The following TNRC6B variants were observed in gnomAD, a reference collection of about 807,000 sequenced individuals.
The protein encoded by TNRC6B is trinucleotide repeat containing adaptor 6B, also known as trinucleotide repeat-containing gene 6B protein.
In TNRC6B, 52 loss-of-function variants were observed where a neutral mutation model predicts 203.6. That is an observed-to-expected ratio of 0.26 (90% CI 0.20 to 0.32). TNRC6B has a LOEUF of 0.32. Ranked by LOEUF, TNRC6B falls within the 10% of genes least tolerant of loss-of-function variation. The pLI is 1.00. For missense variants in TNRC6B, 1,923 were observed against 2,286.2 expected, an observed-to-expected ratio of 0.84 and a Z score of 3.24; for synonymous variants, 838 against 845.7, an observed-to-expected ratio of 0.99 and a Z score of 0.16.
intron 1 of TNRC6B, among the ~76,000 whole-genome samples, chr22:40,098,010 A>G (rs2068198941): frequency 6.6e-6 from 1 of 151,998 alleles, no homozygotes; most frequent in Non-Finnish European, 1.5e-5. Context: ...AGTAGTTGTT[A>G]GATTAAAACA....
intron 3 of TNRC6B, among the ~76,000 whole-genome samples, chr22:40,148,419 G>A (rs2068714479): frequency 6.6e-6 from 1 of 151,846 alleles, no homozygotes; most frequent in African/African-American, 2.4e-5. Context: ...GAGTAGCTGG[G>A]ATTACAGGCG....
intron 1 of TNRC6B, among the ~76,000 whole-genome samples, chr22:40,185,329 A>G (rs974768615): frequency 6.6e-6 from 1 of 152,180 alleles, no homozygotes; most frequent in African/African-American, 2.4e-5. Flanking sequence ...TAAGGTGTCC[A>G]AAGATGGCAT....
At chr22:40,128,579 A>ACG (rs1568991485) in intron 3 of TNRC6B, among the ~76,000 whole-genome samples, 17 of 144,754 alleles carry the variant, frequency 1.2e-4, no homozygotes, top group Admixed American at 3.4e-4. Flanking sequence ...CACGGCTCAC[A>ACG]GCTCACAGCT....
chr22:40,175,162 G>C (rs1419467693), upstream of TNRC6B, among the ~76,000 whole-genome samples: 3 of 151,988 alleles, frequency 2.0e-5, no homozygotes, highest in African/African-American at 7.2e-5. Context: ...TTCGAGACCA[G>C]CCTGGCCAAC....
chr22:40,224,553 C>G (rs930715626), intron 1 of TNRC6B, among the ~76,000 whole-genome samples: 1 of 152,088 alleles, frequency 6.6e-6, no homozygotes, highest in Non-Finnish European at 1.5e-5. Flanking sequence ...TATCATAATA[C>G]TTGTTTTGAA....
chr22:40,282,122 G>A (rs2146524020), intron 11 of TNRC6B, among the ~76,000 whole-genome samples: 1 of 152,338 alleles, frequency 6.6e-6, no homozygotes, highest in South Asian at 2.1e-4. Context: ...TCAGGACGTT[G>A]TGGGAGGACG....
At chr22:40,227,075 AATTATTATTATTATTATT>A (rs66592054) in intron 1 of TNRC6B, among the ~76,000 whole-genome samples, 12 of 137,066 alleles carry the variant, frequency 8.8e-5, no homozygotes, top group South Asian at 7.3e-4. Flanking sequence ...ACACCCAGCT[AATTATTATTATTATTATT>A]ATTATTATTA....
At chr22:40,115,098 C>T (rs573430296) in intron 1 of TNRC6B, among the ~76,000 whole-genome samples, 2 of 148,928 alleles carry the variant, frequency 1.3e-5, no homozygotes, top group South Asian at 4.2e-4. Context: ...TTCTTTTTTT[C>T]CCCTCCCTTC....
intron 1 of TNRC6B, among the ~76,000 whole-genome samples, chr22:40,240,612 A>G (rs769702567): frequency 5.9e-5 from 9 of 152,240 alleles, no homozygotes; most frequent in Non-Finnish European, 1.3e-4. Context: ...TTTGGAAGCC[A>G]TAGTAGAGAC....
chr22:40,106,657 T>G lies in TNRC6B; in HGVS notation c.-120-10398T>G, dbSNP rs1414350055. On this transcript the variant is annotated intron_variant, in intron 1 of 23. Transcript: ENST00000301923. ...GGTACCCCCAAGCAATATATGACTC[T>G]ACAATCCTCAGCATGTTAATTGAAG... The G allele has an allele frequency of 5.3e-6, 4 of 750,188 alleles. No homozygotes were observed. In the African/African-American group the frequency reaches 6.8e-5, roughly 13 times the overall value. 46.5% of individuals were successfully genotyped at this position (750,188 alleles called of 1,614,324 possible). A position where few individuals can be genotyped will look rare whatever the true frequency, so the allele number is the denominator to read the frequency against.
intron 4 of TNRC6B, among the ~76,000 whole-genome samples, chr22:40,171,315 C>G (rs968656168): frequency 1.3e-5 from 2 of 151,824 alleles, no homozygotes; most frequent in African/African-American, 4.8e-5. Flanking sequence ...GTGCATGCTA[C>G]CACACCCGGC....
chr22:40,245,310 C>T (rs759261310), intron 1 of TNRC6B, among the ~76,000 whole-genome samples: 23 of 151,914 alleles, frequency 1.5e-4, no homozygotes, highest in Non-Finnish European at 2.6e-4. Flanking sequence ...AGGCTGGTCT[C>T]GAACTCCTGA....
intron 1 of TNRC6B, among the ~76,000 whole-genome samples, chr22:40,210,756 A>C (rs1434862229): frequency 6.6e-6 from 1 of 152,200 alleles, no homozygotes; most frequent in Admixed American, 6.5e-5. Flanking sequence ...TGTAAGGAAA[A>C]TATTCTTTAC....
chr22:40,273,450 G>T lies in TNRC6B; in HGVS notation c.2991G>T (p.Trp997Cys), dbSNP rs763492540. The T allele has an allele frequency of 1.9e-5, 30 of 1,610,144 alleles. No homozygotes were observed. Among genetic ancestry groups the T allele is most frequent in the Non-Finnish European group, 1.8e-5 (21 of 1,178,282 alleles). Residue 997 changes from tryptophan (W) to cysteine (C), a missense_variant, in exon 7 of 23, where the codon TGG (tryptophan) becomes TGT (cysteine). Trp to Cys is a radical substitution (Grantham distance 215). Transcript: ENST00000454349. ...KPNSKSMQDG[W>C]GESDGPVTGA... ...ATTCCAAATCTATGCAAGACGGCTG[G>T]GGGGAGAGTGACGGGCCAGTCACAG...
At chr22:40,197,721 C>T (rs535283591) in intron 1 of TNRC6B, among the ~76,000 whole-genome samples, 1 of 151,114 alleles carries the variant, frequency 6.6e-6, no homozygotes, top group East Asian at 1.9e-4. Flanking sequence ...ATCCTCCTGT[C>T]TCAGCCACGC....
chr22:40,071,543 T>C (rs184453958), intron 1 of TNRC6B, among the ~76,000 whole-genome samples: 13 of 152,334 alleles, frequency 8.5e-5, no homozygotes, highest in Admixed American at 7.2e-4. Context: ...TATATACTTA[T>C]GATAACATGA....
At chr22:40,201,350 G>T (rs2146407410) in intron 1 of TNRC6B, among the ~76,000 whole-genome samples, 1 of 152,148 alleles carries the variant, frequency 6.6e-6, no homozygotes, top group East Asian at 1.9e-4. Flanking sequence ...ATAAATACTG[G>T]CTTATTTTCA....
intron 1 of TNRC6B, among the ~76,000 whole-genome samples, chr22:40,245,488 A>G (rs2070093778): frequency 6.6e-6 from 1 of 152,126 alleles, no homozygotes; most frequent in Non-Finnish European, 1.5e-5. Context: ...AAATATATAA[A>G]ACATATAGTA....
At position 40,163,480 on chromosome 22, in the gene TNRC6B, A is replaced by AAAAAAAC. The variant is rs568063097; in HGVS notation, c.113+7298_113+7299insAAAAAAC. 1.9e-3 allele frequency among the ~76,000 whole-genome samples: 128 copies of AAAAAAAC among 66,224 alleles called. 43 individuals carry two copies. The highest frequency in any genetic ancestry group is 6.9e-3 in the African/African-American group (103 of 14,932). The allele number at this position is 66,224 out of a possible 152,430, so 43.4% of individuals were successfully genotyped here. On this transcript the variant is annotated intron_variant, in intron 4 of 23. Coordinates refer to the TNRC6B transcript ENST00000301923. ...TCAAAAAAAAAAAAAAAAAAAAAAA[A>AAAAAAAC]GGCCAGGCACGGTGGCTCACGCCTG...
Sources: gnomAD v4.1 joint callset for allele counts (sites outside exome capture counted in the v4.1 genomes callset) on GRCh38, gnomAD v4.1.1 for gene constraint, MANE v1.5 for transcripts, NCBI Gene and HGNC (gene_info 2026-07-23, HGNC 2026-07-21) for gene names.